ABCA13: variants seen among roughly 807,000 people sequenced by gnomAD.
ABCA13 encodes ATP-binding cassette sub-family A member 13.
Under a neutral mutation model 478.7 loss-of-function variants are expected in ABCA13, and 476 were observed. The observed-to-expected ratio is 0.99, with a 90% confidence interval of 0.92 to 1.07. The LOEUF (loss-of-function observed/expected upper bound fraction) is 1.07. Ranked by LOEUF, ABCA13 falls within the 50% of genes least tolerant of loss-of-function variation. The pLI is 0.00. For missense variants in ABCA13, 6,060 were observed against 5,910.6 expected, an observed-to-expected ratio of 1.03 and a Z score of -0.83; for synonymous variants, 2,252 against 2,158.9, an observed-to-expected ratio of 1.04 and a Z score of -1.20.
In ABCA13 at chr7:48,391,922, T is replaced by A. The variant is rs747624539; in HGVS notation, c.11656T>A (p.Ser3886Thr). The A allele has an allele frequency of 2.5e-6, 4 of 1,613,512 alleles. No homozygotes were observed. The highest frequency in any genetic ancestry group is 1.3e-5 in the African/African-American group (1 of 74,896). The change falls in exon 38 of 62, where the codon TCC (serine) becomes ACC (threonine). Residue 3886 changes from serine to threonine, a missense_variant and splice_region_variant. Physicochemically the swap from Ser to Thr is moderately conservative, Grantham distance 58 (BLOSUM62 1). Transcript: ENST00000435803. ...ATGCTGTCTTATTTTCTCTGGCAGATCCATGTTGACGGGGCTCCACCCTCC... is the reference window on the plus strand; with the variant it reads ...ATGCTGTCTTATTTTCTCTGGCAGAACCATGTTGACGGGGCTCCACCCTCC... ...TNGAGKTTII[S>T]MLTGLHPPTS...
intron 45 of ABCA13, among the ~76,000 whole-genome samples, chr7:48,478,447 G>A (rs1362957215): frequency 1.3e-5 from 2 of 151,834 alleles, no homozygotes; most frequent in Non-Finnish European, 2.9e-5. Context: ...TCTAAAAGCA[G>A]ATTAATTGGA....
intron 27 of ABCA13, among the ~76,000 whole-genome samples, chr7:48,326,922 A>C (rs762604411): frequency 1.3e-5 from 2 of 152,184 alleles, no homozygotes; most frequent in Non-Finnish European, 2.9e-5. Flanking sequence ...AGTCTCATCT[A>C]TCTGGTATAG....
chr7:48,207,456 C>T (rs575211366), intron 3 of ABCA13, among the ~76,000 whole-genome samples: 12 of 152,096 alleles, frequency 7.9e-5, no homozygotes, highest in Non-Finnish European at 1.8e-4. Flanking sequence ...CCCTCACTAA[C>T]ATTTGCTATT....
At chr7:48,444,197 A>G (rs1442589912) in intron 42 of ABCA13, among the ~76,000 whole-genome samples, 4 of 152,168 alleles carry the variant, frequency 2.6e-5, no homozygotes, top group Admixed American at 2.0e-4. Context: ...CTTTTGCTAA[A>G]GACAAAGCAG....
intron 55 of ABCA13, among the ~76,000 whole-genome samples, chr7:48,550,403 G>T (rs528431609): frequency 6.6e-6 from 1 of 151,232 alleles, no homozygotes; most frequent in Non-Finnish European, 1.5e-5. Context: ...GAGTACAGGC[G>T]CCTGCCACCA....
chr7:48,208,027 C>T (rs1179183697), intron 3 of ABCA13, among the ~76,000 whole-genome samples: 1 of 151,950 alleles, frequency 6.6e-6, no homozygotes, highest in Non-Finnish European at 1.5e-5. Flanking sequence ...GATATCCACT[C>T]TTAGCAGCAT....
intron 42 of ABCA13, among the ~76,000 whole-genome samples, chr7:48,443,096 G>A (rs1299933109): frequency 6.6e-6 from 1 of 152,166 alleles, no homozygotes; most frequent in Non-Finnish European, 1.5e-5. Flanking sequence ...AACCATGTGA[G>A]GGAGAAGAAA....
chr7:48,550,593 C>G (rs566751063), intron 55 of ABCA13, among the ~76,000 whole-genome samples: 1 of 151,918 alleles, frequency 6.6e-6, no homozygotes, highest in South Asian at 2.1e-4. Context: ...TAACAAATCT[C>G]TTAATTTATG....
intron 55 of ABCA13, among the ~76,000 whole-genome samples, chr7:48,541,591 G>A (rs1043771846): frequency 3.3e-5 from 5 of 152,040 alleles, no homozygotes; most frequent in African/African-American, 1.2e-4. Context: ...ATGGAGCTTT[G>A]AATCCAAGTT....
At chr7:48,293,598 T>C (rs1223821139) in intron 20 of ABCA13, among the ~76,000 whole-genome samples, 3 of 152,180 alleles carry the variant, frequency 2.0e-5, no homozygotes, top group Non-Finnish European at 4.4e-5. Flanking sequence ...CTAGGGAAAG[T>C]GTATAGATTC....
intron 45 of ABCA13, among the ~76,000 whole-genome samples, chr7:48,473,322 C>T (rs73107511): frequency 0.16 from 23,933 of 152,124 alleles, 2,035 homozygotes; most frequent in East Asian, 0.23. Flanking sequence ...GTGCAAGCTT[C>T]CTTATGTGAG....
intron 48 of ABCA13, among the ~76,000 whole-genome samples, chr7:48,494,967 A>G (rs1394360587): frequency 6.6e-6 from 1 of 152,214 alleles, no homozygotes; most frequent in Admixed American, 6.6e-5. Flanking sequence ...GGGAAAAGCT[A>G]GAGGAATCGG....
intron 8 of ABCA13, among the ~76,000 whole-genome samples, chr7:48,236,787 G>T (rs1312376473): frequency 6.6e-6 from 1 of 152,172 alleles, no homozygotes; most frequent in Admixed American, 6.6e-5. Flanking sequence ...ATATTCATGG[G>T]CTCTTGGGAT....
chr7:48,385,396 G>A (rs1326178151), intron 35 of ABCA13, among the ~76,000 whole-genome samples: 2 of 152,140 alleles, frequency 1.3e-5, no homozygotes, highest in Non-Finnish European at 2.9e-5. Flanking sequence ...AGAACATGCA[G>A]TATTTGGTTT....
chr7:48,548,149 C>T lies in ABCA13; in HGVS notation c.14354+19804C>T, dbSNP rs114036347. ...CAAACTGCTAACTGCTCATACACAG[C>T]GAGTATTTTCATTTGTTAGTTTTCA... On this transcript the variant is annotated intron_variant, in intron 55 of 61. Transcript: ENST00000435803. Among the ~76,000 whole-genome samples, 1,122 of 151,864 alleles carry T rather than the reference C, an allele frequency of 7.4e-3. 14 individuals carry two copies. Among genetic ancestry groups the T allele is most frequent in the African/African-American group, 0.025 (1,057 of 41,476 alleles).
Position 48,272,509 on chromosome 7 carries a change from T to G in ABCA13, c.2843T>G (p.Ile948Arg). Residue 948 changes from isoleucine (I) to arginine (R), a missense_variant, in exon 17 of 62, where the codon ATA becomes AGA. Transcript: ENST00000435803. ...GAAGTTGATAAAATTTTGACTCACA[T>G]ACACCTAAATGTCTTCCAGGACAAG... ...KQEVDKILTHIHLNVFQDKDS... is the reference protein window; with the variant it reads ...KQEVDKILTHRHLNVFQDKDS... The G allele has an allele frequency of 6.2e-7, 1 of 1,613,788 alleles. No homozygotes were observed. The highest frequency in any genetic ancestry group is 1.1e-5 in the South Asian group (1 of 91,080).
chr7:48,248,418 C>A lies in ABCA13; in HGVS notation c.1839C>A (p.Asp613Glu). The A allele has an allele frequency of 6.2e-7, 1 of 1,608,954 alleles. No individual in the cohort carries two copies. The highest frequency in any genetic ancestry group is 8.5e-7 in the Non-Finnish European group (1 of 1,177,316). Residue 613 changes from aspartate (D) to glutamate (E), a missense_variant, in exon 14 of 62, where the codon GAC (aspartate) becomes GAA (glutamate). Asp to Glu is a conservative substitution (Grantham distance 45). Around this residue, in one of 3 missense-constraint regions of ABCA13, gnomAD observed 4,423 missense variants for 4,309.1 expected, o/e 1.03. Transcript: ENST00000435803. Reference sequence around the variant, plus strand: ...CTGAGAATGATGTCTTTTCTAGTGACTGTAAGCACCAGCTTGTCTCCACAG... The same window carrying A: ...CTGAGAATGATGTCTTTTCTAGTGAATGTAAGCACCAGCTTGTCTCCACAG... ...PSPENDVFSS[D>E]CKHQLVSTVI...
rs73697120 is a variant in ABCA13, at chr7:48,273,558, A to G, written c.3892A>G (p.Ile1298Val). Residue 1298 changes from isoleucine to valine, a missense_variant, in exon 17 of 62, where the codon ATA becomes GTA. Physicochemically the swap from Ile to Val is conservative, Grantham distance 29. Transcript: ENST00000435803. ...FIEFSSTSEY[I>V]VRNLDSINDF... ...TGAGTTTAGCAGTACCTCAGAATATATAGTCAGAAATCTAGATTCAATAAA... is the reference window on the plus strand; with the variant it reads ...TGAGTTTAGCAGTACCTCAGAATATGTAGTCAGAAATCTAGATTCAATAAA... The G allele has an allele frequency of 8.9e-3, 14,133 of 1,582,088 alleles. 879 individuals carry two copies. The African/African-American group carries it at 0.15, about 16-fold the overall frequency.
chr7:48,393,541 C>T (rs2129058140), intron 38 of ABCA13, among the ~76,000 whole-genome samples: 1 of 152,296 alleles, frequency 6.6e-6, no homozygotes, highest in South Asian at 2.1e-4. Flanking sequence ...TTTTTGCAAG[C>T]TTTACATTTA....
Sources: gnomAD v4.1 joint callset for allele counts (sites outside exome capture counted in the v4.1 genomes callset) on GRCh38, gnomAD v4.1.1 for gene constraint, gnomAD v4.1.1 regional missense constraint, MANE v1.5 for transcripts, NCBI Gene and HGNC (gene_info 2026-07-23, HGNC 2026-07-21) for gene names.